CEMIP: variants seen among roughly 807,000 people sequenced by gnomAD.
CEMIP encodes cell migration inducing hyaluronidase 1, also known as cell migration-inducing and hyaluronan-binding protein.
A neutral mutation model predicts 156.9 loss-of-function variants in CEMIP; 105 were observed. That is an observed-to-expected ratio of 0.67 (90% CI 0.57 to 0.79). CEMIP has a LOEUF of 0.79. CEMIP is among the 30% of genes least tolerant of loss of function. CEMIP has a pLI of 0.00. For missense variants in CEMIP, 1,457 were observed against 1,769.4 expected, an observed-to-expected ratio of 0.82 and a Z score of 3.17; for synonymous variants, 676 against 668.4, an observed-to-expected ratio of 1.01 and a Z score of -0.17.
At chr15:80,796,797 G>A (rs1896238923) in intron 1 of CEMIP, among the ~76,000 whole-genome samples, 1 of 152,164 alleles carries the variant, frequency 6.6e-6, no homozygotes, top group Admixed American at 6.5e-5. Flanking sequence ...TGGGTGACTG[G>A]GGTCAGGAGA....
chr15:80,936,762 C>A lies in CEMIP; in HGVS notation c.3098C>A (p.Ala1033Glu), dbSNP rs1901138098. The change falls in exon 24 of 30, where the codon GCG (alanine) becomes GAG (glutamate). Residue 1033 changes from alanine (A) to glutamate (E), a missense_variant. Coordinates refer to ENST00000394685, the MANE Select transcript of CEMIP (RefSeq NM_001293298.2). ...AGCCACCCTCTTTACCTGGAGGGGGCGCTCACCAGGAGCACCCATTACCAG... is the reference window on the plus strand; with the variant it reads ...AGCCACCCTCTTTACCTGGAGGGGGAGCTCACCAGGAGCACCCATTACCAG... ...FPSHPLYLEG[A>E]LTRSTHYQQY... is the part of the protein sequence containing the mutation. The A allele has an allele frequency of 6.2e-7, 1 of 1,613,216 alleles. No individual in the cohort carries two copies. The highest frequency in any genetic ancestry group is 1.3e-5 in the African/African-American group (1 of 74,918).
chr15:80,837,195 C>T (rs948969981), intron 1 of CEMIP, among the ~76,000 whole-genome samples: 2 of 152,170 alleles, frequency 1.3e-5, no homozygotes, highest in African/African-American at 4.8e-5. Flanking sequence ...TCTGTGGTTG[C>T]TCAGAATGAT....
rs1896815835 is a variant in CEMIP, at chr15:80,817,602, A to AAT, written c.-176+37989_-176+37990insTA. 7.8e-4 allele frequency among the ~76,000 whole-genome samples: 108 copies of AAT among 138,760 alleles called. 1 individual carries two copies. The highest frequency in any genetic ancestry group is 2.5e-3 in the African/African-American group (92 of 37,534). The allele number at this position is 138,760 out of a possible 152,430, so 91.0% of individuals were successfully genotyped here. On this transcript the variant is annotated intron_variant, in intron 1 of 29. Transcript: ENST00000394685. Reference sequence around the variant, plus strand: ...AGTGACAGAGTGGGACCCTGTCTCAAAATAATAATAATAATAATAATAATA... The same window carrying AAT: ...AGTGACAGAGTGGGACCCTGTCTCAAATAATAATAATAATAATAATAATAATA...
rs73497039 is a variant in CEMIP at position 80,803,772 on chromosome 15, G to A, written c.-176+24158G>A. ...GAGCTCAAGTCTGTCTTGGGCTCCA[G>A]ACCCACAGGTCTCTACTTTGCCTCT... On this transcript the variant is annotated intron_variant, in intron 1 of 29. Transcript: ENST00000394685. Among the ~76,000 whole-genome samples, 599 of 152,328 alleles carry A rather than the reference G, an allele frequency of 3.9e-3. 3 individuals carry two copies. Among genetic ancestry groups the A allele is most frequent in the African/African-American group, 0.014 (573 of 41,576 alleles).
chr15:80,813,394 G>A (rs1896715858), intron 1 of CEMIP, among the ~76,000 whole-genome samples: 1 of 144,534 alleles, frequency 6.9e-6, no homozygotes, highest in South Asian at 2.3e-4. Context: ...CTGTCACCCA[G>A]GTTGGAGTGC....
At chr15:80,891,229 G>A (rs12594288) in intron 10 of CEMIP, among the ~76,000 whole-genome samples, 9,114 of 152,248 alleles carry the variant, frequency 0.06, 489 homozygotes, top group East Asian at 0.17. Context: ...TCCAGACACT[G>A]TTGATTGGAA....
At position 80,901,124 on chromosome 15, in the gene CEMIP, C is replaced by T. The variant is rs573862514; in HGVS notation, c.1411+5064C>T. Among the ~76,000 whole-genome samples the T allele has an allele frequency of 1.1e-4, 16 of 152,262 alleles. No individual in the cohort carries two copies. The South Asian group carries it at 3.3e-3, about 32-fold the overall frequency. On this transcript the variant is annotated intron_variant, in intron 12 of 29. Coordinates refer to ENST00000394685, the MANE Select transcript of CEMIP (RefSeq NM_001293298.2). ...ATTTTCCACCCTGTTGTCTTTACCA[C>T]CTCCCCACTTTGCCCATAAACACCC...
At chr15:80,799,482 C>A (rs1367089312) in intron 1 of CEMIP, among the ~76,000 whole-genome samples, 1 of 152,200 alleles carries the variant, frequency 6.6e-6, no homozygotes, top group Non-Finnish European at 1.5e-5. Flanking sequence ...TATATAGTTT[C>A]TTCTGCAAAA....
chr15:80,905,799 T>C (rs909630005), intron 12 of CEMIP, among the ~76,000 whole-genome samples: 1 of 151,772 alleles, frequency 6.6e-6, no homozygotes, highest in South Asian at 2.1e-4. Context: ...CTTAAGGATA[T>C]GGAAAGGGGT....
intron 3 of CEMIP, among the ~76,000 whole-genome samples, chr15:80,877,607 T>C (rs1323166942): frequency 6.6e-6 from 1 of 152,228 alleles, no homozygotes; most frequent in African/African-American, 2.4e-5. Flanking sequence ...GGATTTTCCA[T>C]GCTATTGATG....
intron 26 of CEMIP, 79 bp downstream of exon 26, chr15:80,942,132 G>C (rs1596210518): frequency 6.6e-7 from 1 of 1,511,442 alleles, no homozygotes; most frequent in African/African-American, 1.4e-5. Flanking sequence ...GTCGGGCCCA[G>C]ACCCAATTAG....
chr15:80,903,221 G>C (rs1899646699), intron 12 of CEMIP: 1 of 152,312 alleles, frequency 6.6e-6, no homozygotes, highest in African/African-American at 2.4e-5. Flanking sequence ...CAAGTTGAGA[G>C]AAGCACCCAG....
intron 12 of CEMIP, chr15:80,897,336 G>T (rs562109129): frequency 4.4e-6 from 2 of 456,032 alleles, no homozygotes; most frequent in South Asian, 3.1e-5. Flanking sequence ...GCTTGTGGAA[G>T]AATCTGTGGA....
chr15:80,823,189 C>G (rs1896949433), intron 1 of CEMIP, among the ~76,000 whole-genome samples: 1 of 152,184 alleles, frequency 6.6e-6, no homozygotes, highest in Admixed American at 6.5e-5. Flanking sequence ...TGAGAGTATG[C>G]CTCTGTTTAC....
chr15:80,931,519 G>A (rs577800862), intron 21 of CEMIP, among the ~76,000 whole-genome samples: 1 of 152,168 alleles, frequency 6.6e-6, no homozygotes, highest in South Asian at 2.1e-4. Context: ...GGAAAATGTT[G>A]AAATACAGGA....
At chr15:80,892,045 C>T (rs554386927) in intron 10 of CEMIP, among the ~76,000 whole-genome samples, 160 of 152,162 alleles carry the variant, frequency 1.1e-3, no homozygotes, top group Non-Finnish European at 1.1e-3. Flanking sequence ...TCATTTTTGC[C>T]ACTATTGCAA....
intron 1 of CEMIP, among the ~76,000 whole-genome samples, chr15:80,856,971 C>A (rs1053947445): frequency 9.2e-5 from 14 of 152,294 alleles, no homozygotes; most frequent in Admixed American, 7.8e-4. Flanking sequence ...ACCCCACCTG[C>A]CAGTGGCTTC....
intron 6 of CEMIP, among the ~76,000 whole-genome samples, chr15:80,882,308 G>A (rs1426825907): frequency 6.6e-6 from 1 of 152,184 alleles, no homozygotes; most frequent in African/African-American, 2.4e-5. Flanking sequence ...ATTCTGTGAG[G>A]CAAGTTCTGT....
intron 14 of CEMIP, among the ~76,000 whole-genome samples, chr15:80,911,527 CCACACACACACACACACA>C (rs10596688): frequency 6.7e-6 from 1 of 148,970 alleles, no homozygotes; most frequent in Non-Finnish European, 1.5e-5. Flanking sequence ...GGAAAATACA[CCACACACACACACACACA>C]CACACACACA....
Sources: allele counts gnomAD v4.1 joint callset (sites outside exome capture counted in the v4.1 genomes callset), GRCh38; gene constraint gnomAD v4.1.1; transcripts MANE v1.5; gene names NCBI Gene and HGNC (gene_info 2026-07-23, HGNC 2026-07-21).